Variants in ERBB4 observed in about 807,000 individuals in gnomAD.
ERBB4 encodes the protein erb-b2 receptor tyrosine kinase 4.
ERBB4 carries 42 observed loss-of-function variants against 158.0 expected under a neutral mutation model. The observed-to-expected ratio is 0.27, with a 90% CI of 0.21 to 0.34. ERBB4 has a LOEUF of 0.34. ERBB4 is among the 10% of genes least tolerant of loss of function. The pLI, the probability that ERBB4 is intolerant of heterozygous loss-of-function variation, is 1.00. For synonymous variants in ERBB4, 583 were observed against 558.7 expected, an observed-to-expected ratio of 1.04 and a Z score of -0.61; for missense variants, 1,333 against 1,624.1, an observed-to-expected ratio of 0.82 and a Z score of 3.08.
intron 20 of ERBB4, among the ~76,000 whole-genome samples, chr2:211,470,113 A>G (rs1269514940): frequency 6.6e-6 from 1 of 152,148 alleles, no homozygotes; most frequent in African/African-American, 2.4e-5. Flanking sequence ...CGCTTAAAAA[A>G]AAAGGGCTTC....
At chr2:211,613,328 T>C (rs1171535931) in intron 19 of ERBB4, among the ~76,000 whole-genome samples, 1 of 151,842 alleles carries the variant, frequency 6.6e-6, no homozygotes, top group Non-Finnish European at 1.5e-5. Flanking sequence ...AGATGTGAGA[T>C]AGGAAGCACT....
chr2:212,375,994 C>T (rs990974322), intron 1 of ERBB4, among the ~76,000 whole-genome samples: 2 of 152,076 alleles, frequency 1.3e-5, no homozygotes, highest in African/African-American at 4.8e-5. Context: ...GACCCATCCA[C>T]ATCAATTTGT....
intron 3 of ERBB4, among the ~76,000 whole-genome samples, chr2:211,946,290 G>A (rs2080688392): frequency 6.6e-6 from 1 of 151,940 alleles, no homozygotes; most frequent in African/African-American, 2.4e-5. Context: ...ATAAAGCTAT[G>A]TCTAACTTAA....
At chr2:211,663,474 G>A (rs1005100220) in intron 15 of ERBB4, among the ~76,000 whole-genome samples, 3 of 152,106 alleles carry the variant, frequency 2.0e-5, no homozygotes, top group Admixed American at 1.3e-4. Flanking sequence ...AAATGCTCTG[G>A]TGAGATTTCT....
chr2:212,439,424 G>A (rs559297180), intron 1 of ERBB4, among the ~76,000 whole-genome samples: 18 of 151,880 alleles, frequency 1.2e-4, no homozygotes, highest in Non-Finnish European at 1.6e-4. Flanking sequence ...CAAATGTACC[G>A]TCTCCAAACT....
At chr2:212,455,680 C>T (rs150688375) in intron 1 of ERBB4, among the ~76,000 whole-genome samples, 1,601 of 152,042 alleles carry the variant, frequency 0.011, 14 homozygotes, top group Non-Finnish European at 0.014. Flanking sequence ...AATTCTAAAC[C>T]TCAGATGCAA....
chr2:212,354,856 C>G lies in ERBB4; in HGVS notation c.82+183593G>C, dbSNP rs1948876. On this transcript the variant is annotated intron_variant, in intron 1 of 27. Coordinates refer to ENST00000342788, the MANE Select transcript of ERBB4 (RefSeq NM_005235.3). ...GGAAATACTTATATATCTGCTGGTT[C>G]TTTTTTTCTTTTCCTTTGTTTTATT... 5.1e-4 allele frequency among the ~76,000 whole-genome samples: 78 copies of G among 151,572 alleles called. 1 individual carries two copies. The highest frequency in any genetic ancestry group is 8.7e-4 in the Non-Finnish European group (59 of 67,834).
intron 20 of ERBB4, among the ~76,000 whole-genome samples, chr2:211,506,237 A>G (rs2065746709): frequency 1.3e-5 from 2 of 152,114 alleles, no homozygotes; most frequent in East Asian, 3.9e-4. Flanking sequence ...ATAGCACCCA[A>G]CACTGGAGCA....
intron 1 of ERBB4, among the ~76,000 whole-genome samples, chr2:212,224,055 T>C (rs1292756445): frequency 6.6e-6 from 1 of 151,958 alleles, no homozygotes; most frequent in African/African-American, 2.4e-5. Context: ...AAGCATTATC[T>C]GAATCTGTTA....
intron 1 of ERBB4, among the ~76,000 whole-genome samples, chr2:212,515,461 T>C (rs1291880791): frequency 1.3e-5 from 2 of 152,024 alleles, no homozygotes; most frequent in Non-Finnish European, 2.9e-5. Flanking sequence ...AATGTTTTAA[T>C]AGAATCTCAG....
chr2:212,360,810 G>A (rs188128018), intron 1 of ERBB4, among the ~76,000 whole-genome samples: 1 of 151,218 alleles, frequency 6.6e-6, no homozygotes, highest in Non-Finnish European at 1.5e-5. Context: ...TTTTTTCCTT[G>A]ATGAAAAATT....
intron 5 of ERBB4, among the ~76,000 whole-genome samples, chr2:211,729,540 A>G (rs1267385851): frequency 6.6e-6 from 1 of 151,852 alleles, no homozygotes; most frequent in Non-Finnish European, 1.5e-5. Context: ...ACTTGTAACA[A>G]GAAAGAAAAC....
intron 2 of ERBB4, among the ~76,000 whole-genome samples, chr2:211,978,171 C>T (rs1276713857): frequency 6.6e-6 from 1 of 151,962 alleles, no homozygotes; most frequent in African/African-American, 2.4e-5. Context: ...AAAGAGACTG[C>T]AGAATTGCTC....
chr2:211,990,695 C>T (rs1205398735), intron 2 of ERBB4, among the ~76,000 whole-genome samples: 1 of 151,828 alleles, frequency 6.6e-6, no homozygotes, highest in Non-Finnish European at 1.5e-5. Flanking sequence ...TTCTTGGATG[C>T]TCAAGTGAAA....
chr2:211,986,425 C>T (rs1045670748), intron 2 of ERBB4, among the ~76,000 whole-genome samples: 3 of 152,090 alleles, frequency 2.0e-5, no homozygotes, highest in Admixed American at 6.6e-5. Flanking sequence ...TGTTAGAACT[C>T]GTATTAGAAT....
intron 24 of ERBB4, among the ~76,000 whole-genome samples, chr2:211,420,894 A>G (rs1421716671): frequency 6.6e-6 from 1 of 152,022 alleles, no homozygotes; most frequent in Non-Finnish European, 1.5e-5. Context: ...GGTAAAATCA[A>G]TTTCAGGTCT....
At chr2:212,242,268 A>T (rs1277431701) in intron 1 of ERBB4, among the ~76,000 whole-genome samples, 1 of 152,032 alleles carries the variant, frequency 6.6e-6, no homozygotes, top group Non-Finnish European at 1.5e-5. Context: ...TATTTTATTG[A>T]TTTGATCAAG....
At chr2:212,430,622 A>G (rs58416067) in intron 1 of ERBB4, among the ~76,000 whole-genome samples, 3,551 of 152,030 alleles carry the variant, frequency 0.023, 138 homozygotes, top group African/African-American at 0.08. Flanking sequence ...TTGTATTTTT[A>G]GTAGAGATGG....
chr2:211,925,029 T>C (rs932828903), intron 3 of ERBB4, among the ~76,000 whole-genome samples: 1 of 152,170 alleles, frequency 6.6e-6, no homozygotes, highest in Non-Finnish European at 1.5e-5. Context: ...TGCTGAATAA[T>C]AGAACAATGA....
Sources: allele counts gnomAD v4.1 joint callset (sites outside exome capture counted in the v4.1 genomes callset), GRCh38; gene constraint gnomAD v4.1.1; transcripts MANE v1.5; gene names NCBI Gene and HGNC (gene_info 2026-07-23, HGNC 2026-07-21).